Variants in NRXN3 observed in about 807,000 individuals in gnomAD.
NRXN3 encodes the protein neurexin III.
In NRXN3, 32 loss-of-function variants were observed where a neutral mutation model predicts 137.6. That is an observed-to-expected ratio of 0.23 (90% CI 0.18 to 0.31). The LOEUF is 0.31. NRXN3 is among the 10% of genes least tolerant of loss of function. The probability of loss-of-function intolerance (pLI) is 1.00; values close to 1 mark genes in which losing one functional copy is unlikely to be tolerated. For synonymous variants in NRXN3, 798 were observed against 784.5 expected (o/e 1.02, Z -0.29); for missense variants, 1,574 against 2,062.5 (o/e 0.76, Z 4.59).
At chr14:78,378,970 C>T (rs1263808019) in intron 4 of NRXN3, among the ~76,000 whole-genome samples, 2 of 150,982 alleles carry the variant, frequency 1.3e-5, no homozygotes, top group African/African-American at 4.9e-5. Context: ...CAATGAAAGG[C>T]AATAAAAGAA....
chr14:78,447,212 A>C (rs1463204157), intron 4 of NRXN3, among the ~76,000 whole-genome samples: 1 of 152,242 alleles, frequency 6.6e-6, no homozygotes, highest in Non-Finnish European at 1.5e-5. Context: ...GAGTTGCTGC[A>C]TTCTGTCATT....
At chr14:78,698,803 C>A (rs902750536) in intron 6 of NRXN3, among the ~76,000 whole-genome samples, 1 of 151,964 alleles carries the variant, frequency 6.6e-6, no homozygotes, top group Non-Finnish European at 1.5e-5. Flanking sequence ...GCATACATGC[C>A]GGGGAAAACT....
intron 4 of NRXN3, among the ~76,000 whole-genome samples, chr14:78,576,565 T>C (rs2152336460): frequency 6.6e-6 from 1 of 152,258 alleles, no homozygotes; most frequent in East Asian, 1.9e-4. Context: ...CTCCACTGTT[T>C]CTCATTCTCC....
At chr14:79,551,146 T>C (rs2097369124) in intron 16 of NRXN3, among the ~76,000 whole-genome samples, 1 of 152,162 alleles carries the variant, frequency 6.6e-6, no homozygotes, top group Non-Finnish European at 1.5e-5. Flanking sequence ...TAAGAGAAGT[T>C]TCCTTTAAAT....
chr14:78,966,522 C>G (rs1351719084), intron 12 of NRXN3, 116 bp downstream of exon 12: 1 of 1,048,366 alleles, frequency 9.5e-7, no homozygotes, highest in Non-Finnish European at 1.4e-6. Flanking sequence ...ATTCCTGACA[C>G]ATTCTCGCAT....
At chr14:79,232,591 T>C (rs2072449026) in intron 15 of NRXN3, among the ~76,000 whole-genome samples, 1 of 152,164 alleles carries the variant, frequency 6.6e-6, no homozygotes, top group Non-Finnish European at 1.5e-5. Context: ...TGCTCACTTT[T>C]AGCGACATTG....
At chr14:78,324,986 C>T (rs114557250) in intron 4 of NRXN3, among the ~76,000 whole-genome samples, 151 of 151,948 alleles carry the variant, frequency 9.9e-4, no homozygotes, top group African/African-American at 3.4e-3. Flanking sequence ...GGTGTCATGG[C>T]GATGGCTTGT....
At chr14:79,652,706 G>A (rs1259068998) in intron 16 of NRXN3, among the ~76,000 whole-genome samples, 2 of 151,944 alleles carry the variant, frequency 1.3e-5, no homozygotes, top group South Asian at 4.2e-4. Flanking sequence ...TCTGCTTGGG[G>A]TCACCTTTAC....
chr14:79,166,479 A>G (rs17108796), intron 15 of NRXN3, among the ~76,000 whole-genome samples: 5,209 of 151,028 alleles, frequency 0.034, 250 homozygotes, highest in East Asian at 0.24. Context: ...TTTGAATGTA[A>G]TAACTGAGAA....
chr14:79,439,197 C>T lies in NRXN3; in HGVS notation c.3263-28024C>T, dbSNP rs542525564. ...TAGAAAGCATGTGGGTGTGAGTATA[C>T]GTATGTGTGATGAAATGGTTCAATT... On this transcript the variant is annotated intron_variant, in intron 15 of 20. Transcript: ENST00000335750. 5.3e-5 allele frequency among the ~76,000 whole-genome samples: 8 copies of T among 152,210 alleles called. No individual in the cohort carries two copies. The East Asian group carries it at 9.6e-4, about 18-fold the overall frequency.
At chr14:78,973,121 G>A (rs897011333) in intron 14 of NRXN3, among the ~76,000 whole-genome samples, 3 of 152,180 alleles carry the variant, frequency 2.0e-5, no homozygotes, top group Non-Finnish European at 2.9e-5. Context: ...CCTCATGGGG[G>A]AAGAAACATG....
At chr14:78,808,058 C>A (rs2098888138) in intron 9 of NRXN3, among the ~76,000 whole-genome samples, 1 of 151,948 alleles carries the variant, frequency 6.6e-6, no homozygotes, top group Non-Finnish European at 1.5e-5. Context: ...CATATTTATA[C>A]ATATATACAT....
intron 8 of NRXN3, among the ~76,000 whole-genome samples, chr14:78,792,631 G>A (rs572433428): frequency 6.6e-6 from 1 of 152,296 alleles, no homozygotes; most frequent in South Asian, 2.1e-4. Context: ...TCAATGCTAA[G>A]ATGTGCATTG....
chr14:79,805,422 A>C (rs2099200452), intron 20 of NRXN3, among the ~76,000 whole-genome samples: 1 of 152,096 alleles, frequency 6.6e-6, no homozygotes, highest in African/African-American at 2.4e-5. Flanking sequence ...CAGTCTCTTG[A>C]TAGCTAACAA....
rs186947756 is a variant in NRXN3, at chr14:78,569,361, G to A, written c.758-75759G>A. Among the ~76,000 whole-genome samples the A allele has an allele frequency of 5.2e-3, 785 of 151,574 alleles. 4 individuals carry two copies. Among genetic ancestry groups the A allele is most frequent in the Non-Finnish European group, 8.5e-3 (579 of 67,936 alleles). On this transcript the variant is annotated intron_variant, in intron 4 of 20. Transcript: ENST00000335750. ...GCTCACTGCAAGCTCCGCCTCCCGG[G>A]TTCACGCCATTCTCCTGCCTCAGCC...
chr14:79,437,197 G>A (rs983488060), intron 15 of NRXN3, among the ~76,000 whole-genome samples: 1 of 151,828 alleles, frequency 6.6e-6, no homozygotes, highest in African/African-American at 2.4e-5. Context: ...CTGCTTATAC[G>A]TTCTTTCCCT....
At chr14:79,514,013 A>T (rs544288196) in intron 16 of NRXN3, among the ~76,000 whole-genome samples, 19 of 152,324 alleles carry the variant, frequency 1.2e-4, no homozygotes, top group African/African-American at 4.3e-4. Flanking sequence ...TAAAATACAG[A>T]GAAATATAGA....
chr14:78,792,257 C>CAAAAAAAAAAAAAAAAAAAAAA (rs140968788), intron 8 of NRXN3, among the ~76,000 whole-genome samples: 1 of 19,456 alleles, frequency 5.1e-5, no homozygotes, highest in African/African-American at 2.8e-4. Flanking sequence ...AGACTAAAGG[C>CAAAAAAAAAAAAAAAAAAAAAA]AAAAAAAAAA....
At chr14:79,341,892 G>A (rs527445671) in intron 15 of NRXN3, among the ~76,000 whole-genome samples, 8 of 152,276 alleles carry the variant, frequency 5.3e-5, no homozygotes, top group African/African-American at 1.9e-4. Flanking sequence ...GTGATCAATT[G>A]CAAGTCAGAG....
Sources: allele counts gnomAD v4.1 joint callset (sites outside exome capture counted in the v4.1 genomes callset), GRCh38; gene constraint gnomAD v4.1.1; transcripts MANE v1.5; gene names NCBI Gene and HGNC (gene_info 2026-07-23, HGNC 2026-07-21).